GAK: variants seen among roughly 807,000 people sequenced by gnomAD.
GAK encodes the protein cyclin-G-associated kinase.
In GAK, 79 loss-of-function variants were observed where a neutral mutation model predicts 143.9. That is an observed-to-expected ratio of 0.55 (90% CI 0.46 to 0.66). The LOEUF is 0.66. Ranked by LOEUF, GAK falls within the 30% of genes least tolerant of loss-of-function variation. GAK has a pLI of 0.00. For missense variants in GAK, 1,693 were observed against 1,779.7 expected, an observed-to-expected ratio of 0.95 and a Z score of 0.88; for synonymous variants, 881 against 765.5, an observed-to-expected ratio of 1.15 and a Z score of -2.49.
At chr4:904,255 G>A (rs879118436) in intron 5 of GAK, among the ~76,000 whole-genome samples, 395 of 135,892 alleles carry the variant, frequency 2.9e-3, no homozygotes, top group African/African-American at 7.5e-3. Context: ...GCTCCTAACC[G>A]AGCGGGACCC....
intron 3 of GAK, chr4:912,089 G>C (rs1329234545): frequency 2.1e-6 from 1 of 470,948 alleles, no homozygotes; most frequent in South Asian, 1.5e-5. Context: ...GGGCCCTCAG[G>C]GGGCTGTGCG....
chr4:863,884 G>A (rs959164533), intron 23 of GAK, among the ~76,000 whole-genome samples: 10 of 152,104 alleles, frequency 6.6e-5, no homozygotes, highest in Admixed American at 2.0e-4. Context: ...TTAGTTGGGC[G>A]TGGTGGCAGG....
At chr4:867,829 G>T (rs375776415) in intron 20 of GAK, among the ~76,000 whole-genome samples, 8 of 152,238 alleles carry the variant, frequency 5.3e-5, no homozygotes, top group Non-Finnish European at 1.0e-4. Context: ...GCTTCTGGGC[G>T]GGCGGTGGGG....
At chr4:900,125 G>A (rs3822024) in intron 5 of GAK, among the ~76,000 whole-genome samples, 43,033 of 152,202 alleles carry the variant, frequency 0.28, 6,209 homozygotes, top group Non-Finnish European at 0.31. Flanking sequence ...CCATCCCCTC[G>A]CGTGTGCCCG....
rs1577020363 is a variant in GAK at position 851,032 on chromosome 4, T to C, written c.3561A>G (p.Gln1187=). The C allele has an allele frequency of 3.1e-6, 5 of 1,614,072 alleles. No individual in the cohort carries two copies. Among genetic ancestry groups the C allele is most frequent in the Non-Finnish European group, 4.2e-6 (5 of 1,179,968 alleles). Reference sequence around the variant, plus strand: ...TCTTGTCAGACCTGGAGGAGAAGCCTTGATTGGACAACAGATCTTCAAAGT... The same window carrying C: ...TCTTGTCAGACCTGGAGGAGAAGCCCTGATTGGACAACAGATCTTCAAAGT... ...ENDFEDLLSN[Q]GFSSRSDKKG... Residue 1187 remains glutamine (Q), a synonymous_variant, in exon 26 of 28, where the codon CAA becomes CAG. Coordinates refer to ENST00000314167, the MANE Select transcript of GAK (RefSeq NM_005255.4).
chr4:882,840 G>A (rs1486491771), intron 13 of GAK, 21 bp from the exon 14 acceptor site: 4 of 1,602,718 alleles, frequency 2.5e-6, no homozygotes, highest in Non-Finnish European at 2.5e-6. Flanking sequence ...AGGGCACGGT[G>A]GCACGGACGG....
intron 23 of GAK, among the ~76,000 whole-genome samples, chr4:863,523 T>C (rs1203913710): frequency 6.6e-6 from 1 of 152,052 alleles, no homozygotes; most frequent in East Asian, 1.9e-4. Context: ...GGAGAGACAA[T>C]CACGTGGCAA....
At chr4:862,354 C>A (rs547095702) in intron 23 of GAK, among the ~76,000 whole-genome samples, 5 of 152,328 alleles carry the variant, frequency 3.3e-5, no homozygotes, top group Non-Finnish European at 1.5e-5. Context: ...ATAAGACGGC[C>A]TAAGTCATCT....
intron 9 of GAK, among the ~76,000 whole-genome samples, chr4:892,894 G>C (rs1717950365): frequency 6.6e-6 from 1 of 152,208 alleles, no homozygotes; most frequent in Admixed American, 6.5e-5. Flanking sequence ...CTTGGCAATG[G>C]TCCCAGCATG....
intron 15 of GAK, among the ~76,000 whole-genome samples, chr4:879,715 G>A (rs1714713132): frequency 6.6e-6 from 1 of 152,144 alleles, no homozygotes. Flanking sequence ...ACTGGTATCT[G>A]TTACTCATTC....
At chr4:908,701 C>T (rs1207253490) in intron 4 of GAK, among the ~76,000 whole-genome samples, 1 of 152,064 alleles carries the variant, frequency 6.6e-6, no homozygotes, top group Non-Finnish European at 1.5e-5. Context: ...GGCGGGAGGA[C>T]TGCTTGAGCC....
chr4:883,542 T>C lies in GAK; in HGVS notation c.1256-79A>G, dbSNP rs369427979. On this transcript the variant is annotated intron_variant, in intron 12 of 27. Coordinates refer to ENST00000314167, the MANE Select transcript of GAK (RefSeq NM_005255.4). The stretch of plus-strand genomic sequence containing the variant: ...GCTGCTGCTGCGGCCTCGCTGCTCC[T>C]GACGCCCCCGGGCAAGCGCAGCCTC... 141 of 1,532,292 alleles carry C rather than the reference T, an allele frequency of 9.2e-5. No individual in the cohort carries two copies. In the African/African-American group the frequency reaches 1.7e-3, roughly 19 times the overall value. The allele number at this position is 1,532,292 out of a possible 1,614,324, so 94.9% of individuals were successfully genotyped here.
rs550734460 is a variant in GAK at position 909,107 on chromosome 4, A to G, written c.382+2566T>C. Among the ~76,000 whole-genome samples, 16 of 152,372 alleles carry G rather than the reference A, an allele frequency of 1.1e-4. No homozygotes were observed. The East Asian group carries it at 2.5e-3, about 24-fold the overall frequency. On this transcript the variant is annotated intron_variant, in intron 4 of 27. Transcript: ENST00000314167. ...AGCGATGCACCCGCCTCGGCCTCCC[A>G]AAGTGCTAGGATTACAGGCGTGAGC...
chr4:866,927 C>G (rs1410684049), intron 21 of GAK, 29 bp downstream of exon 21: 1 of 1,401,412 alleles, frequency 7.1e-7, no homozygotes, highest in Admixed American at 2.4e-5. Flanking sequence ...TACTGTGAAG[C>G]CACTCGCCTT....
At chr4:884,783 T>C (rs1036342615) in intron 11 of GAK, among the ~76,000 whole-genome samples, 4 of 152,164 alleles carry the variant, frequency 2.6e-5, no homozygotes, top group African/African-American at 7.2e-5. Flanking sequence ...GGAGCCTCCC[T>C]CCCAGGACAG....
At chr4:874,578 G>A (rs558090586) in intron 18 of GAK, among the ~76,000 whole-genome samples, 9 of 152,002 alleles carry the variant, frequency 5.9e-5, no homozygotes, top group African/African-American at 1.4e-4. Flanking sequence ...TTCCCACCCC[G>A]TCCTGTCCTC....
At chr4:910,021 G>A (rs145742904) in intron 4 of GAK, among the ~76,000 whole-genome samples, 1,846 of 152,190 alleles carry the variant, frequency 0.012, 33 homozygotes, top group Non-Finnish European at 0.02. Flanking sequence ...CTGGAGGGCC[G>A]CAGAGGGGCC....
At chr4:930,910 G>A (rs1725593614) in intron 1 of GAK, among the ~76,000 whole-genome samples, 2 of 152,170 alleles carry the variant, frequency 1.3e-5, no homozygotes, top group Admixed American at 1.3e-4. Flanking sequence ...CACAGAGCAG[G>A]CACCTGGACA....
intron 6 of GAK, 29 bp downstream of exon 6, chr4:898,004 T>C (rs764886981): frequency 1.4e-5 from 22 of 1,594,422 alleles, no homozygotes; most frequent in Non-Finnish European, 1.9e-5. Flanking sequence ...AGGGCCAGCT[T>C]CCCCCAGCAT....
Sources: allele counts gnomAD v4.1 joint callset (sites outside exome capture counted in the v4.1 genomes callset), GRCh38; gene constraint gnomAD v4.1.1; transcripts MANE v1.5; gene names NCBI Gene and HGNC (gene_info 2026-07-23, HGNC 2026-07-21).